Variants in GRHL2 observed in about 807,000 individuals in gnomAD.
GRHL2 encodes grainyhead-like protein 2 homolog.
Under a neutral mutation model 83.8 loss-of-function variants are expected in GRHL2, and 21 were observed. The observed-to-expected ratio is 0.25, with a 90% confidence interval of 0.18 to 0.36. GRHL2 has a LOEUF of 0.36. GRHL2 is among the 10% of genes least tolerant of loss of function. GRHL2 has a pLI of 1.00. For missense variants in GRHL2, 623 were observed against 781.8 expected (o/e 0.80, Z 2.42); for synonymous variants, 280 against 278.9 (o/e 1.00, Z -0.04).
intron 14 of GRHL2, among the ~76,000 whole-genome samples, chr8:101,662,920 G>T (rs190664966): frequency 9.4e-4 from 142 of 150,922 alleles, no homozygotes; most frequent in African/African-American, 2.9e-3. Flanking sequence ...ACACAGTTTT[G>T]CAACTTGGTA....
At chr8:101,584,031 A>G (rs1201230927) in intron 7 of GRHL2, among the ~76,000 whole-genome samples, 1 of 152,236 alleles carries the variant, frequency 6.6e-6, no homozygotes, top group East Asian at 1.9e-4. Context: ...AAACACATCC[A>G]AATAAACATC....
chr8:101,548,104 G>T (rs1429780935), intron 2 of GRHL2, among the ~76,000 whole-genome samples: 1 of 152,146 alleles, frequency 6.6e-6, no homozygotes, highest in African/African-American at 2.4e-5. Context: ...AGTACTGCTG[G>T]AAACCAATTT....
At chr8:101,494,566 C>G (rs999971408) in intron 1 of GRHL2, among the ~76,000 whole-genome samples, 2 of 152,116 alleles carry the variant, frequency 1.3e-5, no homozygotes, top group African/African-American at 4.8e-5. Context: ...TAGCCAAATC[C>G]GGAGGCGACA....
At chr8:101,589,407 T>A (rs975456983) in intron 7 of GRHL2, among the ~76,000 whole-genome samples, 2 of 152,214 alleles carry the variant, frequency 1.3e-5, no homozygotes, top group Non-Finnish European at 2.9e-5. Context: ...CGTGCATGTG[T>A]GTTTATGTGT....
intron 9 of GRHL2, among the ~76,000 whole-genome samples, chr8:101,624,996 A>G (rs915571498): frequency 1.3e-5 from 2 of 152,134 alleles, no homozygotes; most frequent in Middle Eastern, 3.2e-3. Flanking sequence ...ACAAAACCGA[A>G]CCAAAAAAAT....
intron 7 of GRHL2, among the ~76,000 whole-genome samples, chr8:101,584,983 G>A (rs1190657561): frequency 6.6e-6 from 1 of 152,094 alleles, no homozygotes; most frequent in Non-Finnish European, 1.5e-5. Flanking sequence ...AAGTGGTCAG[G>A]TAGTCAGGTA....
At position 101,492,586 on chromosome 8, in the gene GRHL2, G is replaced by T. The variant is rs1809985333; in HGVS notation, c.-184G>T. 6 of 703,342 alleles carry T rather than the reference G, an allele frequency of 8.5e-6. No homozygotes were observed. The South Asian group carries it at 9.4e-5, about 11-fold the overall frequency. The allele number at this position is 703,342 out of a possible 1,614,324, so 43.6% of individuals were successfully genotyped here. On this transcript the variant is annotated 5_prime_UTR_variant, in exon 1 of 16. The change creates a new upstream start codon in the 5' untranslated region. Coordinates refer to ENST00000646743, the MANE Select transcript of GRHL2 (RefSeq NM_024915.4). ...CCCCCTTATCCCACCTTTCCGGCTA[G>T]GTGAGGGCGCGAGCGGGCGAGCGAG...
chr8:101,604,395 T>G (rs1466615523), intron 8 of GRHL2, among the ~76,000 whole-genome samples: 5 of 152,162 alleles, frequency 3.3e-5, no homozygotes, highest in Non-Finnish European at 7.3e-5. Context: ...CTTCCTTTCC[T>G]CCTAGATTTC....
At chr8:101,513,985 C>T (rs1423806288) in intron 1 of GRHL2, among the ~76,000 whole-genome samples, 1 of 152,150 alleles carries the variant, frequency 6.6e-6, no homozygotes, top group Non-Finnish European at 1.5e-5. Flanking sequence ...TCTGCCGAGG[C>T]TTTCACACTA....
At chr8:101,528,954 G>A in intron 1 of GRHL2, 1 of 305,602 alleles carries the variant, frequency 3.3e-6, no homozygotes, top group Admixed American at 4.4e-5. Context: ...TACTTTACAA[G>A]CTCACGGGTA....
intron 7 of GRHL2, among the ~76,000 whole-genome samples, chr8:101,584,418 G>A (rs976710710): frequency 2.6e-5 from 4 of 151,940 alleles, no homozygotes; most frequent in African/African-American, 9.7e-5. Flanking sequence ...ATTCTCCATA[G>A]TTCTCTTTGA....
At chr8:101,495,408 C>T (rs1810076672) in intron 1 of GRHL2, among the ~76,000 whole-genome samples, 1 of 152,130 alleles carries the variant, frequency 6.6e-6, no homozygotes, top group Admixed American at 6.5e-5. Context: ...TTTTGATGTT[C>T]TGCAGTGTTG....
At chr8:101,652,561 G>GA (rs1813688103) in intron 14 of GRHL2, among the ~76,000 whole-genome samples, 3,118 of 66,698 alleles carry the variant, frequency 0.047, 536 homozygotes, top group Middle Eastern at 0.11. Context: ...TGTATGTGTG[G>GA]TGGTGTGTGT....
At chr8:101,620,536 C>T (rs1001966401) in intron 9 of GRHL2, among the ~76,000 whole-genome samples, 2 of 152,138 alleles carry the variant, frequency 1.3e-5, no homozygotes, top group Non-Finnish European at 2.9e-5. Context: ...TTGAATCTCC[C>T]TGAATCCCAC....
intron 2 of GRHL2, among the ~76,000 whole-genome samples, chr8:101,544,401 A>G (rs1277503718): frequency 3.9e-5 from 6 of 152,202 alleles, no homozygotes; most frequent in Non-Finnish European, 5.9e-5. Flanking sequence ...AATGTAATGC[A>G]CTTATATTTC....
intron 3 of GRHL2, among the ~76,000 whole-genome samples, chr8:101,554,883 TTG>T (rs1811460000): frequency 6.6e-6 from 1 of 152,216 alleles, no homozygotes; most frequent in African/African-American, 2.4e-5. Context: ...TTAGATGTAT[TTG>T]TGAAGTTCTC....
At chr8:101,567,896 A>C (rs1182440155) in intron 4 of GRHL2, among the ~76,000 whole-genome samples, 3 of 152,230 alleles carry the variant, frequency 2.0e-5, no homozygotes, top group African/African-American at 7.2e-5. Context: ...TGCCATGTTT[A>C]CTAATGCTGA....
intron 4 of GRHL2, among the ~76,000 whole-genome samples, chr8:101,560,982 T>C (rs1056002253): frequency 1.3e-5 from 2 of 150,338 alleles, no homozygotes; most frequent in Non-Finnish European, 3.0e-5. Flanking sequence ...GCATTTAATC[T>C]GATTAAGTCT....
chr8:101,644,301 T>G, intron 13 of GRHL2, 76 bp downstream of exon 13: 1 of 1,176,590 alleles, frequency 8.5e-7, no homozygotes, highest in Non-Finnish European at 1.2e-6. Context: ...GCAGCCCTCT[T>G]GCCCAGGCCC....
Sources: gnomAD v4.1 joint callset for allele counts (sites outside exome capture counted in the v4.1 genomes callset) on GRCh38, gnomAD v4.1.1 for gene constraint, MANE v1.5 for transcripts, NCBI Gene and HGNC (gene_info 2026-07-23, HGNC 2026-07-21) for gene names.